The following RPH3A variants were observed in gnomAD, a reference collection of about 807,000 sequenced individuals.
RPH3A encodes the protein rabphilin-3A.
RPH3A carries 48 observed loss-of-function variants against 102.2 expected under a neutral mutation model. That is an observed-to-expected ratio of 0.47 (90% CI 0.37 to 0.60). The LOEUF (loss-of-function observed/expected upper bound fraction) is 0.60. Among genes scored for constraint, RPH3A ranks in the 20% least tolerant of loss-of-function variants. The probability of loss-of-function intolerance (pLI) is 0.00; values close to 1 mark genes in which losing one functional copy is unlikely to be tolerated. For synonymous variants in RPH3A, 310 were observed against 324.3 expected, an observed-to-expected ratio of 0.96 and a Z score of 0.47; for missense variants, 781 against 910.1, an observed-to-expected ratio of 0.86 and a Z score of 1.83.
At chr12:112,859,260 A>G (rs1565924385) in intron 5 of RPH3A, among the ~76,000 whole-genome samples, 1 of 152,354 alleles carries the variant, frequency 6.6e-6, no homozygotes, top group East Asian at 1.9e-4. Flanking sequence ...GCTGCAGCTC[A>G]TCTAACCCCT....
chr12:112,878,584 C>T (rs1274941163), intron 13 of RPH3A, among the ~76,000 whole-genome samples: 26 of 152,108 alleles, frequency 1.7e-4, no homozygotes. Context: ...GACAGAGCAC[C>T]ATAAAAGAAA....
intron 1 of RPH3A, among the ~76,000 whole-genome samples, chr12:112,748,916 T>C (rs987490718): frequency 6.6e-6 from 1 of 152,168 alleles, no homozygotes; most frequent in African/African-American, 2.4e-5. Flanking sequence ...TCCCAAGATT[T>C]AAAAGCTGGA....
intron 1 of RPH3A, among the ~76,000 whole-genome samples, chr12:112,751,289 T>C (rs1338329014): frequency 6.6e-6 from 1 of 152,194 alleles, no homozygotes; most frequent in Non-Finnish European, 1.5e-5. Context: ...CTGGAAGTCA[T>C]ATGCATAGCA....
chr12:112,875,104 GTCCAGGCC>G lies in RPH3A; in HGVS notation c.823_830del (p.Ala275ThrfsTer112). On this transcript the variant is annotated frameshift_variant, in exon 11 of 22. Transcript: ENST00000389385. LOFTEE classifies it high-confidence loss of function. ...TGCAGGTTTGAGACGGGCCAACTCAGTCCAGGCCTCCAGACCTGCCCCAGGCTCGGTGC... is the reference window on the plus strand; with the variant it reads ...TGCAGGTTTGAGACGGGCCAACTCAGTCCAGACCTGCCCCAGGCTCGGTGC... 1 of 1,609,880 alleles carries G rather than the reference GTCCAGGCC, an allele frequency of 6.2e-7. No homozygotes were observed. Among genetic ancestry groups the G allele is most frequent in the Non-Finnish European group, 8.5e-7 (1 of 1,178,602 alleles).
chr12:112,738,373 A>G (rs772651357), intron 1 of RPH3A, among the ~76,000 whole-genome samples: 1 of 151,804 alleles, frequency 6.6e-6, no homozygotes, highest in Non-Finnish European at 1.5e-5. Context: ...AAGGACACAC[A>G]TTTTTGGGTT....
intron 1 of RPH3A, among the ~76,000 whole-genome samples, chr12:112,580,121 T>A (rs1422739798): frequency 2.0e-5 from 3 of 152,188 alleles, no homozygotes; most frequent in African/African-American, 7.2e-5. Flanking sequence ...TCTCTCTCTG[T>A]CAGTTTGTCT....
At chr12:112,892,131 T>C (rs2043108165) in intron 19 of RPH3A, among the ~76,000 whole-genome samples, 2 of 152,322 alleles carry the variant, frequency 1.3e-5, no homozygotes, top group Admixed American at 6.5e-5. Flanking sequence ...CAGCAACATG[T>C]ATGTTTCTGT....
At chr12:112,690,804 G>C (rs979821727) in intron 1 of RPH3A, among the ~76,000 whole-genome samples, 2 of 152,106 alleles carry the variant, frequency 1.3e-5, no homozygotes, top group African/African-American at 4.8e-5. Flanking sequence ...TACAAGATGG[G>C]ATCACATTAT....
In RPH3A at chr12:112,709,184, G is replaced by A. The variant is rs148101256; in HGVS notation, c.-139-82959G>A. Among the ~76,000 whole-genome samples the A allele has an allele frequency of 1.8e-4, 27 of 152,252 alleles. No individual in the cohort carries two copies. In the East Asian group the frequency reaches 5.0e-3, roughly 28 times the overall value. Reference sequence around the variant, plus strand: ...ATCTGCCACACTAGGTGTTGAAAAAGTGAGCTGTTTAGGTACCTGACCACT... The same window carrying A: ...ATCTGCCACACTAGGTGTTGAAAAAATGAGCTGTTTAGGTACCTGACCACT... On this transcript the variant is annotated intron_variant, in intron 1 of 21. Coordinates refer to the RPH3A transcript ENST00000543106.
At chr12:112,675,664 C>G (rs1278583922) in intron 1 of RPH3A, among the ~76,000 whole-genome samples, 1 of 152,096 alleles carries the variant, frequency 6.6e-6, no homozygotes, top group Non-Finnish European at 1.5e-5. Context: ...TTTGAGGGAT[C>G]CTTGACCCCT....
chr12:112,774,089 A>C (rs944940782), intron 1 of RPH3A, among the ~76,000 whole-genome samples: 6 of 150,624 alleles, frequency 4.0e-5, no homozygotes, highest in African/African-American at 1.5e-4. Flanking sequence ...AAAAAGAGAA[A>C]GGTAGAAGTA....
intron 16 of RPH3A, among the ~76,000 whole-genome samples, chr12:112,886,010 T>C (rs140875673): frequency 0.012 from 1,893 of 152,280 alleles, 48 homozygotes; most frequent in African/African-American, 0.042. Context: ...TGAAGAAGGA[T>C]GATATTGTTC....
intron 1 of RPH3A, among the ~76,000 whole-genome samples, chr12:112,731,595 A>G (rs116733402): frequency 0.012 from 1,859 of 152,326 alleles, 41 homozygotes; most frequent in African/African-American, 0.042. Context: ...CTGCTCTGTT[A>G]AAGAGGCCCT....
chr12:112,821,576 CA>C (rs1279580290), intron 2 of RPH3A, among the ~76,000 whole-genome samples: 1 of 152,200 alleles, frequency 6.6e-6, no homozygotes, highest in Non-Finnish European at 1.5e-5. Context: ...CCATGTGGCT[CA>C]GTTTATTACC....
intron 1 of RPH3A, among the ~76,000 whole-genome samples, chr12:112,669,560 G>A (rs946828352): frequency 6.6e-6 from 1 of 152,126 alleles, no homozygotes; most frequent in Non-Finnish European, 1.5e-5. Context: ...AGAGTAAAAA[G>A]TGAAAGAATT....
At chr12:112,856,553 T>C (rs1358912180) in intron 5 of RPH3A, among the ~76,000 whole-genome samples, 1 of 152,010 alleles carries the variant, frequency 6.6e-6, no homozygotes, top group Non-Finnish European at 1.5e-5. Context: ...CAGGCGTGCC[T>C]GTGGATATAT....
chr12:112,739,555 G>A (rs1393450247), intron 1 of RPH3A, among the ~76,000 whole-genome samples: 1 of 152,216 alleles, frequency 6.6e-6, no homozygotes, highest in Non-Finnish European at 1.5e-5. Flanking sequence ...GTGTCACCTT[G>A]AAGAAATTTA....
At chr12:112,692,700 G>C (rs1178987672) in intron 1 of RPH3A, among the ~76,000 whole-genome samples, 1 of 152,200 alleles carries the variant, frequency 6.6e-6, no homozygotes, top group African/African-American at 2.4e-5. Flanking sequence ...CATTGGGAGG[G>C]AATGGGAAGG....
At chr12:112,818,157 G>T (rs1318598332) in intron 2 of RPH3A, among the ~76,000 whole-genome samples, 3 of 151,900 alleles carry the variant, frequency 2.0e-5, no homozygotes, top group Non-Finnish European at 4.4e-5. Flanking sequence ...AAAATTAGCC[G>T]GGCACAGTGG....
Sources: gnomAD v4.1 joint callset for allele counts (sites outside exome capture counted in the v4.1 genomes callset) on GRCh38, gnomAD v4.1.1 for gene constraint, MANE v1.5 for transcripts, NCBI Gene and HGNC (gene_info 2026-07-23, HGNC 2026-07-21) for gene names.